VDAC1: variants seen among roughly 807,000 people sequenced by gnomAD.
VDAC1 encodes non-selective voltage-gated ion channel VDAC1.
A neutral mutation model predicts 34.7 loss-of-function variants in VDAC1; 10 were observed. The observed-to-expected ratio is 0.29, with a 90% CI of 0.18 to 0.49. The LOEUF (loss-of-function observed/expected upper bound fraction) is 0.49, where lower values mean the gene tolerates loss of function less well. VDAC1 is among the 20% of genes least tolerant of loss of function. The pLI, the probability that VDAC1 is intolerant of heterozygous loss-of-function variation, is 0.99. For synonymous variants in VDAC1, 130 were observed against 136.0 expected (o/e 0.96, Z 0.30); for missense variants, 230 against 347.9 (o/e 0.66, Z 2.69).
chr5:134,101,356 G>A, the VDAC1 span, among the ~76,000 whole-genome samples: 2,093 of 152,268 alleles, frequency 0.014, 47 homozygotes, highest in African/African-American at 0.047. Context: ...TTGGGAGGCC[G>A]AGGCAGGCAG....
At chr5:134,054,605 G>A in the VDAC1 span, among the ~76,000 whole-genome samples, 1 of 151,738 alleles carries the variant, frequency 6.6e-6, no homozygotes, top group East Asian at 1.9e-4. Flanking sequence ...AATTACAGGC[G>A]CCCATCGTCA....
the VDAC1 span, among the ~76,000 whole-genome samples, chr5:134,019,820 C>T: frequency 4.6e-5 from 7 of 152,220 alleles, no homozygotes; most frequent in Non-Finnish European, 1.0e-4. Context: ...TGAGACCACA[C>T]TGCCTATGTG....
chr5:134,058,979 C>A, the VDAC1 span, among the ~76,000 whole-genome samples: 1 of 152,224 alleles, frequency 6.6e-6, no homozygotes, highest in Admixed American at 6.5e-5. Flanking sequence ...GCCCGCGTGC[C>A]AATGCAGAGG....
chr5:134,038,078 C>A, the VDAC1 span, among the ~76,000 whole-genome samples: 13 of 152,180 alleles, frequency 8.5e-5, no homozygotes, highest in African/African-American at 3.1e-4. Context: ...TGGCCTCTAC[C>A]CTCAAGGAGT....
chr5:134,110,691 G>A, the VDAC1 span, among the ~76,000 whole-genome samples: 1 of 152,206 alleles, frequency 6.6e-6, no homozygotes, highest in Admixed American at 6.5e-5. Context: ...CAGGCGGGCT[G>A]GTGAGCAGGA....
intron 1 of VDAC1, among the ~76,000 whole-genome samples, chr5:133,995,200 C>A (rs1667399187): frequency 6.6e-6 from 1 of 152,216 alleles, no homozygotes; most frequent in Admixed American, 6.5e-5. Flanking sequence ...CTCAGAAGAG[C>A]AGACCGGACC....
At chr5:134,060,880 C>CTTT in the VDAC1 span, among the ~76,000 whole-genome samples, 8 of 98,682 alleles carry the variant, frequency 8.1e-5, 1 homozygote, top group African/African-American at 1.3e-4. Flanking sequence ...TCTTCTTCTT[C>CTTT]TTTTTTTTTT....
the VDAC1 span, among the ~76,000 whole-genome samples, chr5:134,023,299 G>C: frequency 6.6e-6 from 1 of 151,928 alleles, no homozygotes; most frequent in African/African-American, 2.4e-5. Flanking sequence ...CACAGGGAGG[G>C]GAACATCACA....
At chr5:134,061,537 A>T in the VDAC1 span, among the ~76,000 whole-genome samples, 5 of 151,310 alleles carry the variant, frequency 3.3e-5, no homozygotes, top group African/African-American at 1.2e-4. Flanking sequence ...ATACCCAGCT[A>T]ATTTTAAAAT....
chr5:133,980,121 A>G (rs1752635778), intron 6 of VDAC1, among the ~76,000 whole-genome samples: 2 of 152,248 alleles, frequency 1.3e-5, no homozygotes, highest in Admixed American at 1.3e-4. Context: ...ATGAAACTAA[A>G]TAAAACAAGG....
chr5:134,027,525 G>A, the VDAC1 span, among the ~76,000 whole-genome samples: 4 of 152,124 alleles, frequency 2.6e-5, no homozygotes, highest in Non-Finnish European at 5.9e-5. Context: ...GACAAAAAAG[G>A]GACTGAGACA....
intron 1 of VDAC1, among the ~76,000 whole-genome samples, chr5:133,995,365 G>A (rs1753259757): frequency 6.6e-6 from 1 of 152,128 alleles, no homozygotes; most frequent in African/African-American, 2.4e-5. Context: ...TAAACATACT[G>A]GATGCTGGCT....
chr5:133,986,843 T>C (rs1752925917), intron 5 of VDAC1, among the ~76,000 whole-genome samples: 2 of 152,294 alleles, frequency 1.3e-5, no homozygotes, highest in African/African-American at 4.8e-5. Context: ...CGACAGAGGT[T>C]TGTCAAAAAG....
chr5:134,086,479 G>T, the VDAC1 span, among the ~76,000 whole-genome samples: 1 of 152,166 alleles, frequency 6.6e-6, no homozygotes, highest in African/African-American at 2.4e-5. Flanking sequence ...AGAGACTCTG[G>T]GCCACTTAGC....
the VDAC1 span, among the ~76,000 whole-genome samples, chr5:134,079,754 C>A: frequency 6.6e-6 from 1 of 152,226 alleles, no homozygotes. Flanking sequence ...CTGCCCCAGG[C>A]CTTCCCAGGT....
In VDAC1 at chr5:133,986,371, T is replaced by A. The variant is rs115181099; in HGVS notation, c.323+4484A>T. On this transcript the variant is annotated intron_variant, in intron 5 of 8. Coordinates refer to ENST00000265333, the MANE Select transcript of VDAC1 (RefSeq NM_003374.3). The stretch of plus-strand genomic sequence containing the variant: ...AACTTTCCTCAAATACCCAGTAGCA[T>A]TATGTACATCTAGCACCCAGAATTT... Among the ~76,000 whole-genome samples the A allele has an allele frequency of 7.0e-3, 1,069 of 152,236 alleles. 13 individuals carry two copies. The highest frequency in any genetic ancestry group is 0.022 in the African/African-American group (912 of 41,530).
chr5:134,080,553 C>G, the VDAC1 span, among the ~76,000 whole-genome samples: 538 of 43,082 alleles, frequency 0.012, no homozygotes, highest in African/African-American at 0.037. Context: ...GTTAAGTCAC[C>G]GAGGTACCAT....
the VDAC1 span, among the ~76,000 whole-genome samples, chr5:134,056,727 C>T: frequency 6.6e-6 from 1 of 152,022 alleles, no homozygotes; most frequent in African/African-American, 2.4e-5. Flanking sequence ...CTCTTTTTGC[C>T]CAGGCTGGAG....
chr5:133,995,341 C>G (rs994424595), intron 1 of VDAC1, among the ~76,000 whole-genome samples: 4 of 152,220 alleles, frequency 2.6e-5, no homozygotes, highest in African/African-American at 7.2e-5. Flanking sequence ...ATATCCCTAT[C>G]CAATGCCTCA....
Sources: allele counts gnomAD v4.1 joint callset (sites outside exome capture counted in the v4.1 genomes callset), GRCh38; gene constraint gnomAD v4.1.1; transcripts MANE v1.5; gene names NCBI Gene and HGNC (gene_info 2026-07-23, HGNC 2026-07-21).